The following LCP2 variants were observed in gnomAD, a reference collection of about 807,000 sequenced individuals.
LCP2 encodes 76 kDa tyrosine phosphoprotein.
LCP2 carries 29 observed loss-of-function variants against 74.5 expected under a neutral mutation model. The ratio of observed to expected loss-of-function variants is 0.39; its 90% confidence interval spans 0.29 to 0.53. The LOEUF is 0.53. Among genes scored for constraint, LCP2 ranks in the 20% least tolerant of loss-of-function variants. The pLI is 0.72. For synonymous variants in LCP2, 228 were observed against 229.5 expected (o/e 0.99, Z 0.06); for missense variants, 604 against 634.6 (o/e 0.95, Z 0.52).
chr5:170,261,338 A>G (rs1342978555), intron 13 of LCP2, among the ~76,000 whole-genome samples: 1 of 152,000 alleles, frequency 6.6e-6, no homozygotes, highest in Non-Finnish European at 1.5e-5. Context: ...CCATCATTGC[A>G]AGCTGAGCTA....
intron 7 of LCP2, 109 bp downstream of exon 7, chr5:170,270,610 C>T (rs2113180279): frequency 1.0e-6 from 1 of 955,878 alleles, no homozygotes; most frequent in Middle Eastern, 3.4e-4. Flanking sequence ...GATATCGAGA[C>T]CCAGAGCTTT....
Position 170,258,888 on chromosome 5 carries a change from G to T in LCP2, c.958-10C>A. ...TACCATCATCTTCATCCTGGGAAGG[G>T]GAAGAAAAAAAAAGATATTAAGCTA... is the stretch of plus-strand genomic sequence containing the variant. On this transcript the variant is annotated splice_polypyrimidine_tract_variant and intron_variant, in intron 14 of 20. Transcript: ENST00000046794. The T allele has an allele frequency of 1.3e-6, 2 of 1,566,866 alleles. No individual in the cohort carries two copies. Among genetic ancestry groups the T allele is most frequent in the Non-Finnish European group, 1.7e-6 (2 of 1,147,896 alleles).
chr5:170,251,080 T>G (rs888343524), intron 19 of LCP2, 195 bp from the exon 20 acceptor site: 1 of 521,314 alleles, frequency 1.9e-6, no homozygotes, highest in African/African-American at 1.9e-5. Context: ...CATGAGTTAT[T>G]TTGTTATTAA....
chr5:170,281,455 T>C (rs1762101754), intron 3 of LCP2, among the ~76,000 whole-genome samples: 1 of 152,140 alleles, frequency 6.6e-6, no homozygotes, highest in Non-Finnish European at 1.5e-5. Context: ...AATTGTTTTG[T>C]ATTTTTAGTA....
At position 170,281,943 on chromosome 5, in the gene LCP2, T is replaced by C. The variant is rs549069627; in HGVS notation, c.188+6027A>G. Among the ~76,000 whole-genome samples the C allele has an allele frequency of 5.3e-5, 8 of 152,340 alleles. No individual in the cohort carries two copies. In the South Asian group the frequency reaches 1.7e-3, roughly 32 times the overall value. ...ATCCCATCCTTTAATGAACTTCAAA[T>C]AGGCACCAGCAGATTTGAACGTGTA... On this transcript the variant is annotated intron_variant, in intron 3 of 20. Coordinates refer to ENST00000046794, the MANE Select transcript of LCP2 (RefSeq NM_005565.5).
At chr5:170,254,677 C>T (rs1157610605) in intron 17 of LCP2, among the ~76,000 whole-genome samples, 1 of 152,202 alleles carries the variant, frequency 6.6e-6, no homozygotes, top group East Asian at 1.9e-4. Context: ...GTAACAGAAC[C>T]AAGGCCCGCA....
intron 3 of LCP2, among the ~76,000 whole-genome samples, chr5:170,279,107 G>A (rs1018729312): frequency 1.3e-5 from 2 of 152,104 alleles, no homozygotes; most frequent in African/African-American, 2.4e-5. Flanking sequence ...CCCTGGCCTC[G>A]CTCAGGACCA....
chr5:170,276,271 T>C (rs535072449), intron 3 of LCP2, among the ~76,000 whole-genome samples: 5 of 152,212 alleles, frequency 3.3e-5, no homozygotes, highest in Admixed American at 1.3e-4. Flanking sequence ...TTGCATGACC[T>C]GGCAGTGCTG....
chr5:170,259,900 G>A (rs1159821884), intron 14 of LCP2, among the ~76,000 whole-genome samples: 4 of 152,174 alleles, frequency 2.6e-5, no homozygotes, highest in African/African-American at 9.7e-5. Context: ...ACAACTCCCA[G>A]ATTCTCATGA....
chr5:170,292,546 G>A (rs1762310085), intron 2 of LCP2, among the ~76,000 whole-genome samples: 1 of 152,164 alleles, frequency 6.6e-6, no homozygotes, highest in African/African-American at 2.4e-5. Context: ...ACACAACTTA[G>A]CTTACTCTAT....
chr5:170,271,762 T>G (rs1479629206), intron 6 of LCP2, among the ~76,000 whole-genome samples: 1 of 151,250 alleles, frequency 6.6e-6, no homozygotes, highest in Non-Finnish European at 1.5e-5. Flanking sequence ...AGGGGGTGAG[T>G]CAATGAGCCC....
At chr5:170,290,968 GAAAGAAAGAA>G (rs1561979030) in intron 2 of LCP2, among the ~76,000 whole-genome samples, 1 of 24,998 alleles carries the variant, frequency 4.0e-5, no homozygotes. Flanking sequence ...AAGAAAGAAA[GAAAGAAAGAA>G]AGAAAGAAAG....
At position 170,271,047 on chromosome 5, in the gene LCP2, C is replaced by T. The variant is rs536041321; in HGVS notation, c.325-130G>A. ...GGACCAGGCAGCCTGAAGATGGTTA[C>T]TCCCATTTTACAGATGAGGAATCTG... On this transcript the variant is annotated intron_variant, in intron 6 of 20. Transcript: ENST00000046794. The T allele has an allele frequency of 1.4e-4, 100 of 731,822 alleles. No individual in the cohort carries two copies. The African/African-American group carries it at 1.8e-3, about 13-fold the overall frequency. 45.3% of individuals were successfully genotyped at this position (731,822 alleles called of 1,614,324 possible). A position where few individuals can be genotyped will look rare whatever the true frequency, so the allele number is the denominator to read the frequency against.
At position 170,256,317 on chromosome 5, in the gene LCP2, C is replaced by T. The variant is rs1761550432; in HGVS notation, c.1150+209G>A. Among the ~76,000 whole-genome samples the T allele has an allele frequency of 1.3e-5, 2 of 151,948 alleles. No homozygotes were observed. The highest frequency in any genetic ancestry group is 2.4e-5 in the African/African-American group (1 of 41,334). On this transcript the variant is annotated intron_variant, in intron 17 of 20. Coordinates refer to ENST00000046794, the MANE Select transcript of LCP2 (RefSeq NM_005565.5). This position sits in a 1 kb window ranked among gnomAD's most constrained non-coding sequence, Gnocchi z 4.5. ...GTGTGTATGGGCATGTATATGTATACGTGTGTGTGTATGTGTTGTGTTTTA... is the reference window on the plus strand; with the variant it reads ...GTGTGTATGGGCATGTATATGTATATGTGTGTGTGTATGTGTTGTGTTTTA...
At chr5:170,291,899 A>G (rs1036729012) in intron 2 of LCP2, among the ~76,000 whole-genome samples, 3 of 152,284 alleles carry the variant, frequency 2.0e-5, no homozygotes, top group African/African-American at 7.2e-5. Context: ...CTAAAGCTCC[A>G]GGAATTCTAC....
chr5:170,274,055 C>T (rs1414796981), intron 6 of LCP2: 5 of 546,196 alleles, frequency 9.2e-6, no homozygotes, highest in East Asian at 6.2e-5. Context: ...TGTTTGTTTG[C>T]TCATTGTCTG....
chr5:170,297,681 TC>T lies in LCP2; in HGVS notation c.-71del. On this transcript the variant is annotated 5_prime_UTR_variant, in exon 1 of 21. Coordinates refer to ENST00000046794, the MANE Select transcript of LCP2 (RefSeq NM_005565.5). ...TCACCCATGGGCAGAGAAGCTCAAA[TC>T]CAGAGCTCGGAGGCGTTCTTGGCTC... 7.2e-7 allele frequency: 1 copy of T among 1,391,452 alleles called. No homozygotes were observed. Among genetic ancestry groups the T allele is most frequent in the Non-Finnish European group, 9.9e-7 (1 of 1,010,852 alleles). The allele number at this position is 1,391,452 out of a possible 1,614,324, so 86.2% of individuals were successfully genotyped here. A position where few individuals can be genotyped will look rare whatever the true frequency, so the allele number is the denominator to read the frequency against.
intron 2 of LCP2, 135 bp downstream of exon 2, chr5:170,293,175 C>G: frequency 1.3e-6 from 1 of 782,510 alleles, no homozygotes; most frequent in Non-Finnish European, 2.2e-6. Context: ...AGAGAGGGGG[C>G]CCTACCAAAT....
rs1000708904 is a variant in LCP2 at position 170,247,749 on chromosome 5, A to G, written c.*948T>C. 2 of 152,254 alleles carry G rather than the reference A, an allele frequency of 1.3e-5. No homozygotes were observed. Among genetic ancestry groups the G allele is most frequent in the Admixed American group, 1.3e-4 (2 of 15,290 alleles). 9.4% of individuals were successfully genotyped at this position (152,254 alleles called of 1,614,324 possible). A position where few individuals can be genotyped will look rare whatever the true frequency, so the allele number is the denominator to read the frequency against. ...GGGGATAACAAGAGACAGAAGAGCC[A>G]TATCTAATAGGAAAGTCTGATCACA... On this transcript the variant is annotated 3_prime_UTR_variant, in exon 21 of 21. Transcript: ENST00000046794.
Sources: allele counts gnomAD v4.1 joint callset (sites outside exome capture counted in the v4.1 genomes callset), GRCh38; gene constraint gnomAD v4.1.1; non-coding constraint Gnocchi (gnomAD v3.1); transcripts MANE v1.5; gene names NCBI Gene and HGNC (gene_info 2026-07-23, HGNC 2026-07-21).